The following DLC1 variants were observed in gnomAD, a reference collection of about 807,000 sequenced individuals.
DLC1 encodes rho GTPase-activating protein 7.
In DLC1, 54 loss-of-function variants were observed where a neutral mutation model predicts 140.3. The ratio of observed to expected loss-of-function variants is 0.38; its 90% CI spans 0.31 to 0.48. DLC1 has a LOEUF of 0.48. DLC1 is among the 20% of genes least tolerant of loss of function. DLC1 has a pLI of 0.96. For missense variants in DLC1, 2,536 were observed against 1,907.0 expected (o/e 1.33, Z -6.14); for synonymous variants, 986 against 728.1 (o/e 1.35, Z -5.70).
At position 13,403,130 on chromosome 8, in the gene DLC1, A is replaced by G. The variant is rs886162152; in HGVS notation, c.1024-1511T>C. ...GAATACGTTAAGAATTTTTTGAGGT[A>G]TGCTAATTCCTTCAGAATACTATGC... On this transcript the variant is annotated intron_variant, in intron 2 of 17. Transcript: ENST00000276297. 3.0e-4 allele frequency among the ~76,000 whole-genome samples: 46 copies of G among 152,340 alleles called. 1 individual carries two copies. The highest frequency in any genetic ancestry group is 1.1e-3 in the African/African-American group (44 of 41,584).
intron 4 of DLC1, among the ~76,000 whole-genome samples, chr8:13,371,926 T>G (rs189730525): frequency 1.7e-4 from 26 of 152,284 alleles, no homozygotes; most frequent in African/African-American, 6.0e-4. Context: ...TGAAAGGATG[T>G]TCACTACTGA....
At chr8:13,492,470 GT>G (rs1801299325) in intron 2 of DLC1, among the ~76,000 whole-genome samples, 1 of 40,078 alleles carries the variant, frequency 2.5e-5, no homozygotes, top group South Asian at 8.6e-4. Flanking sequence ...ATTTTAGCCT[GT>G]CCTTTTTTTT....
chr8:13,473,700 G>A (rs572678649), intron 2 of DLC1, among the ~76,000 whole-genome samples: 4 of 152,236 alleles, frequency 2.6e-5, no homozygotes, highest in Admixed American at 2.0e-4. Flanking sequence ...ATGGAAATGA[G>A]GAACTTGTTG....
intron 5 of DLC1, among the ~76,000 whole-genome samples, chr8:13,143,002 C>T (rs1277343228): frequency 6.7e-6 from 1 of 148,788 alleles, no homozygotes; most frequent in Admixed American, 6.8e-5. Flanking sequence ...AAGATTGTGC[C>T]GTTGCGCTCC....
At chr8:13,469,674 C>T (rs781549270) in intron 2 of DLC1, among the ~76,000 whole-genome samples, 1 of 152,072 alleles carries the variant, frequency 6.6e-6, no homozygotes, top group Non-Finnish European at 1.5e-5. Context: ...TTAAGATAAG[C>T]ATAAAAATGT....
intron 5 of DLC1, among the ~76,000 whole-genome samples, chr8:13,155,727 T>C (rs946136540): frequency 2.0e-5 from 3 of 152,148 alleles, no homozygotes; most frequent in African/African-American, 7.2e-5. Context: ...TCCTGCTAAA[T>C]ATTACTTATT....
chr8:13,120,820 C>A (rs1821000219), intron 5 of DLC1, among the ~76,000 whole-genome samples: 1 of 152,036 alleles, frequency 6.6e-6, no homozygotes, highest in East Asian at 1.9e-4. Context: ...ACCATTAGGC[C>A]ATATTTGCAC....
At chr8:13,516,458 C>T (rs28502138), upstream of DLC1, among the ~76,000 whole-genome samples, 3,336 of 152,212 alleles carry the variant, frequency 0.022, 149 homozygotes, top group African/African-American at 0.076. Context: ...CTCAAAGATG[C>T]ACAAGGTTCT....
intron 5 of DLC1, among the ~76,000 whole-genome samples, chr8:13,168,285 A>G (rs1199019646): frequency 6.6e-6 from 1 of 152,182 alleles, no homozygotes; most frequent in Non-Finnish European, 1.5e-5. Context: ...GATTCTCAAA[A>G]TTTTAATGAG....
chr8:13,451,050 A>AAAAAAAAAAAAAAAAAAAG (rs1799022520), intron 2 of DLC1, among the ~76,000 whole-genome samples: 1 of 146,832 alleles, frequency 6.8e-6, no homozygotes, highest in Non-Finnish European at 1.5e-5. Flanking sequence ...AAAAAAAAAA[A>AAAAAAAAAAAAAAAAAAAG]AAAAAAAAAA....
intron 2 of DLC1, among the ~76,000 whole-genome samples, chr8:13,464,938 T>C (rs1799865339): frequency 6.6e-6 from 1 of 152,004 alleles, no homozygotes; most frequent in Non-Finnish European, 1.5e-5. Flanking sequence ...GGACTCACTA[T>C]GTTGCTCAGG....
intron 2 of DLC1, among the ~76,000 whole-genome samples, chr8:13,421,880 T>C (rs1838336451): frequency 6.6e-6 from 1 of 152,148 alleles, no homozygotes; most frequent in Admixed American, 6.5e-5. Context: ...AATTTTTCTT[T>C]ATTTACATAT....
At chr8:13,443,397 C>G (rs891523212) in intron 2 of DLC1, among the ~76,000 whole-genome samples, 1 of 147,796 alleles carries the variant, frequency 6.8e-6, no homozygotes, top group Non-Finnish European at 1.5e-5. Flanking sequence ...TGGTGGCTCA[C>G]GCCTGTAATC....
Position 13,084,725 on chromosome 8 carries a change from A to G in DLC1, c.*1086T>C, listed in dbSNP as rs1285084600. On this transcript the variant is annotated 3_prime_UTR_variant, in exon 18 of 18. Coordinates refer to ENST00000276297, the MANE Select transcript of DLC1 (RefSeq NM_182643.3). ...TGAATAAACACATGTGGCTTTCAGG[A>G]ATGCCGTTAACAACCAAAGGCGGGG... 1 of 152,194 alleles carries G rather than the reference A, an allele frequency of 6.6e-6. No individual in the cohort carries two copies. The highest frequency in any genetic ancestry group is 1.5e-5 in the Non-Finnish European group (1 of 68,030). The allele number at this position is 152,194 out of a possible 1,614,324, so 9.4% of individuals were successfully genotyped here.
intron 4 of DLC1, among the ~76,000 whole-genome samples, chr8:13,371,473 G>C (rs1002838280): frequency 6.6e-6 from 1 of 152,062 alleles, no homozygotes; most frequent in Non-Finnish European, 1.5e-5. Flanking sequence ...ACCAGCCTCT[G>C]CTCCTCAGCT....
At chr8:13,393,752 T>G in intron 3 of DLC1, 59 bp from the exon 4 acceptor site, 1 of 1,563,024 alleles carries the variant, frequency 6.4e-7, no homozygotes, top group Non-Finnish European at 8.7e-7. Context: ...AATGCCCTTC[T>G]TCCTACCACC....
At chr8:13,144,152 C>T (rs933992196) in intron 5 of DLC1, among the ~76,000 whole-genome samples, 1 of 152,214 alleles carries the variant, frequency 6.6e-6, no homozygotes, top group African/African-American at 2.4e-5. Flanking sequence ...TGGACAGGCA[C>T]TGTCCAATCA....
Position 13,499,337 on chromosome 8 carries a change from A to G in DLC1, c.735T>C (p.Asn245=). 6.2e-7 allele frequency: 1 copy of G among 1,613,980 alleles called. No individual in the cohort carries two copies. The highest frequency in any genetic ancestry group is 8.5e-7 in the Non-Finnish European group (1 of 1,179,996). ...GTACTACATTGCAGGTGCTTCTTTC[A>G]TTTTCATCTTTAGGGGGGTCAGGTT... ...RRKPDPPKDE[N]ERSTCNVVQN... is the part of the protein sequence containing the mutation. Residue 245 remains asparagine, a synonymous_variant, in exon 2 of 18, where the codon AAT becomes AAC. Transcript: ENST00000276297.
intron 5 of DLC1, among the ~76,000 whole-genome samples, chr8:13,165,059 G>C (rs1246015603): frequency 6.6e-6 from 1 of 152,120 alleles, no homozygotes; most frequent in Non-Finnish European, 1.5e-5. Context: ...TTTCTGATTG[G>C]TTTCTCTTTC....
Sources: allele counts gnomAD v4.1 joint callset (sites outside exome capture counted in the v4.1 genomes callset), GRCh38; gene constraint gnomAD v4.1.1; transcripts MANE v1.5; gene names NCBI Gene and HGNC (gene_info 2026-07-23, HGNC 2026-07-21).